The following CPAMD8 variants were observed in gnomAD, a reference collection of about 807,000 sequenced individuals.
CPAMD8 encodes the protein C3 and PZP like alpha-2-macroglobulin domain containing 8.
In CPAMD8, 146 loss-of-function variants were observed where a neutral mutation model predicts 224.7. That is an observed-to-expected ratio of 0.65 (90% CI 0.57 to 0.75). The LOEUF is 0.75. Among genes scored for constraint, CPAMD8 ranks in the 30% least tolerant of loss-of-function variants. The pLI, the probability that CPAMD8 is intolerant of heterozygous loss-of-function variation, is 0.00. For synonymous variants in CPAMD8, 966 were observed against 1,044.6 expected, an observed-to-expected ratio of 0.92 and a Z score of 1.45; for missense variants, 2,301 against 2,537.5, an observed-to-expected ratio of 0.91 and a Z score of 2.00.
chr19:16,918,725 G>A (rs2053054770), intron 27 of CPAMD8, among the ~76,000 whole-genome samples: 1 of 149,948 alleles, frequency 6.7e-6, no homozygotes, highest in African/African-American at 2.5e-5. Flanking sequence ...AGGGATGACA[G>A]GCACGTGCCA....
chr19:17,011,022 CA>C (rs1254485612), intron 5 of CPAMD8, among the ~76,000 whole-genome samples: 7 of 141,168 alleles, frequency 5.0e-5, no homozygotes, highest in East Asian at 2.0e-4. Context: ...GACTCCATCT[CA>C]AAAAAAAAAC....
At chr19:16,949,818 T>C (rs2054240994) in intron 20 of CPAMD8, among the ~76,000 whole-genome samples, 2 of 152,280 alleles carry the variant, frequency 1.3e-5, no homozygotes, top group South Asian at 4.1e-4. Flanking sequence ...CTGCAGACTC[T>C]CAGGTTCAGG....
intron 25 of CPAMD8, among the ~76,000 whole-genome samples, chr19:16,926,528 G>A (rs1314888988): frequency 2.6e-5 from 4 of 152,076 alleles, no homozygotes; most frequent in African/African-American, 7.2e-5. Flanking sequence ...ATGTTGGCCA[G>A]GATGATCTCC....
At chr19:17,001,393 A>G (rs1289665222) in intron 9 of CPAMD8, among the ~76,000 whole-genome samples, 5 of 120,554 alleles carry the variant, frequency 4.1e-5, no homozygotes, top group Non-Finnish European at 8.6e-5. Flanking sequence ...GTGCTGTTGG[A>G]TGCCAGGGAG....
chr19:16,932,232 CA>C (rs1451441485), intron 23 of CPAMD8, among the ~76,000 whole-genome samples: 1 of 152,076 alleles, frequency 6.6e-6, no homozygotes, highest in Non-Finnish European at 1.5e-5. Flanking sequence ...CCAGCCTGGG[CA>C]ACATGGCGAA....
intron 25 of CPAMD8, among the ~76,000 whole-genome samples, chr19:16,925,585 T>C (rs149684835): frequency 1.5e-3 from 226 of 152,298 alleles, no homozygotes; most frequent in African/African-American, 4.9e-3. Flanking sequence ...TAGTTTTAAC[T>C]CAGGCTTTCT....
intron 21 of CPAMD8, among the ~76,000 whole-genome samples, chr19:16,946,776 C>T (rs2054115322): frequency 6.6e-6 from 1 of 151,632 alleles, no homozygotes; most frequent in African/African-American, 2.4e-5. Context: ...CATGTCTACA[C>T]ATGTGGGCGT....
intron 9 of CPAMD8, among the ~76,000 whole-genome samples, chr19:17,000,843 G>A (rs915409382): frequency 3.3e-5 from 5 of 152,228 alleles, no homozygotes; most frequent in African/African-American, 9.6e-5. Flanking sequence ...GCGACTGAGA[G>A]GCACCTGAGC....
At chr19:16,904,837 C>T (rs2144752556) in intron 30 of CPAMD8, among the ~76,000 whole-genome samples, 1 of 152,372 alleles carries the variant, frequency 6.6e-6, no homozygotes, top group Non-Finnish European at 1.5e-5. Flanking sequence ...CCACCTTCCC[C>T]TTCCTGGACA....
intron 12 of CPAMD8, among the ~76,000 whole-genome samples, chr19:16,990,517 C>A (rs1471692559): frequency 1.3e-5 from 2 of 152,016 alleles, no homozygotes; most frequent in African/African-American, 4.8e-5. Flanking sequence ...TATGATCACA[C>A]CATTGCACTC....
chr19:17,023,479 A>G (rs1404856827), intron 1 of CPAMD8, among the ~76,000 whole-genome samples: 1 of 152,234 alleles, frequency 6.6e-6, no homozygotes, highest in East Asian at 1.9e-4. Context: ...ATGTAGAATG[A>G]TGGAAATCAG....
intron 10 of CPAMD8, among the ~76,000 whole-genome samples, chr19:16,998,895 T>C (rs1164755767): frequency 2.0e-5 from 3 of 152,072 alleles, no homozygotes; most frequent in African/African-American, 4.8e-5. Flanking sequence ...CATAGTAGCA[T>C]GAGACATAAT....
intron 1 of CPAMD8, among the ~76,000 whole-genome samples, chr19:17,023,826 C>T (rs911730602): frequency 6.6e-5 from 10 of 152,100 alleles, no homozygotes; most frequent in African/African-American, 1.7e-4. Context: ...AAGTGATCTG[C>T]GCACCTTGGC....
At position 16,952,041 on chromosome 19, in the gene CPAMD8, G is replaced by A. The variant is rs780616935; in HGVS notation, c.2436C>T (p.Pro812=). ...CCTGCTCCCCACGGATGATGAGAGC[G>A]GGGAGCATGAAGTCCACGAAGAAGG... ...FKPFFVDFML[P]ALIIRGEQVK... is the part of the protein sequence containing the mutation. Residue 812 remains proline, a synonymous_variant, in exon 20 of 42, where the codon CCC becomes CCT. Transcript: ENST00000443236. 7.2e-5 allele frequency: 114 copies of A among 1,582,442 alleles called. No individual in the cohort carries two copies. Among genetic ancestry groups the A allele is most frequent in the South Asian group, 4.7e-4 (41 of 86,894 alleles).
chr19:16,933,027 G>A (rs2053589815), intron 23 of CPAMD8, among the ~76,000 whole-genome samples: 1 of 152,186 alleles, frequency 6.6e-6, no homozygotes, highest in Non-Finnish European at 1.5e-5. Flanking sequence ...GCTCACACCT[G>A]TAATCCCAGC....
At chr19:16,904,177 C>CGGGG in intron 32 of CPAMD8, 49 bp downstream of exon 32, 1 of 479,112 alleles carries the variant, frequency 2.1e-6, no homozygotes. Context: ...ACTGCAGGGA[C>CGGGG]CCCACCCACC....
rs771599498 is a variant in CPAMD8, at chr19:16,902,829, G to T, written c.4505C>A (p.Ala1502Asp). ...TACGAGCAGCTGGAAAGCTGGCTTG[G>T]CCACCGGGTCAGGCACATTGTAGGT... is the stretch of plus-strand genomic sequence containing the variant. ...DVTYNVPDPVAKPAFQLLVSL... is the reference protein window; with the variant it reads ...DVTYNVPDPVDKPAFQLLVSL... Residue 1502 changes from alanine (A) to aspartate (D), a missense_variant, in exon 35 of 42, where the codon GCC (alanine) becomes GAC (aspartate). Ala to Asp is a moderately radical substitution (Grantham distance 126). Transcript: ENST00000443236. 1 of 1,559,888 alleles carries T rather than the reference G, an allele frequency of 6.4e-7. No individual in the cohort carries two copies. Among genetic ancestry groups the T allele is most frequent in the Non-Finnish European group, 8.7e-7 (1 of 1,149,634 alleles).
At chr19:16,955,346 A>G (rs1276307265) in intron 19 of CPAMD8, among the ~76,000 whole-genome samples, 2 of 152,194 alleles carry the variant, frequency 1.3e-5, no homozygotes, top group Non-Finnish European at 1.5e-5. Flanking sequence ...TCTCCAACAA[A>G]GATGAACCTT....
intron 14 of CPAMD8, among the ~76,000 whole-genome samples, chr19:16,979,528 A>T (rs374734592): frequency 6.8e-6 from 1 of 146,988 alleles, no homozygotes; most frequent in African/African-American, 2.6e-5. Flanking sequence ...CCATCCATCC[A>T]TCTCTCTGTC....
Sources: gnomAD v4.1 joint callset for allele counts (sites outside exome capture counted in the v4.1 genomes callset) on GRCh38, gnomAD v4.1.1 for gene constraint, MANE v1.5 for transcripts, NCBI Gene and HGNC (gene_info 2026-07-23, HGNC 2026-07-21) for gene names.